FBXL14: variants seen among roughly 807,000 people sequenced by gnomAD.
FBXL14 encodes the protein F-box/LRR-repeat protein 14.
FBXL14 carries 11 observed loss-of-function variants against 24.5 expected under a neutral mutation model. That is an observed-to-expected ratio of 0.45 (90% CI 0.28 to 0.74). FBXL14 has a LOEUF of 0.74. Among genes scored for constraint, FBXL14 ranks in the 30% least tolerant of loss-of-function variants. FBXL14 has a pLI of 0.12. For synonymous variants in FBXL14, 294 were observed against 240.4 expected (o/e 1.22, Z -2.06); for missense variants, 384 against 545.6 (o/e 0.70, Z 2.95).
intron 1 of FBXL14, among the ~76,000 whole-genome samples, chr12:1,589,511 A>T (rs1367341574): frequency 6.6e-6 from 1 of 150,768 alleles, no homozygotes; most frequent in Non-Finnish European, 1.5e-5. Context: ...GGAAATGGAG[A>T]AATGGAGCCT....
rs2094497616 is a variant in FBXL14 at position 1,594,491 on chromosome 12, CGG to C, written c.-427_-426del. ...CTGCCGCCGCCGCTGCTCCGCGGGC[CGG>C]CGGGCGGCGAGGGGGCCCCGGGGGC... On this transcript the variant is annotated 5_prime_UTR_variant, in exon 1 of 2. Transcript: ENST00000339235. Among the ~76,000 whole-genome samples the C allele has an allele frequency of 6.8e-6, 1 of 146,742 alleles. No individual in the cohort carries two copies. The highest frequency in any genetic ancestry group is 1.5e-5 in the Non-Finnish European group (1 of 66,008).
Position 1,569,464 on chromosome 12 carries a change from A to G in FBXL14, c.1195-2654T>C, listed in dbSNP as rs1394364589. ...CACCCAGGCTAGAGTGCAGTGCCGC[A>G]ATCTCGGCTCACTGCAAGCTCCGCT... On this transcript the variant is annotated intron_variant, in intron 1 of 1. Coordinates refer to ENST00000339235, the MANE Select transcript of FBXL14 (RefSeq NM_152441.3). The surrounding 1 kb of genome is among the most constrained non-coding windows in gnomAD (Gnocchi z 4.2). Among the ~76,000 whole-genome samples the G allele has an allele frequency of 6.7e-6, 1 of 149,446 alleles. No homozygotes were observed. Among genetic ancestry groups the G allele is most frequent in the African/African-American group, 2.5e-5 (1 of 40,358 alleles).
At position 1,566,738 on chromosome 12, in the gene FBXL14, C is replaced by T. The variant is rs1215971491; in HGVS notation, c.*10G>A. ...AGATCCACGGGAACCATGTCGTTGTCCCCTCTCCCTCACCTTCTGGAGCTT... is the reference window on the plus strand; with the variant it reads ...AGATCCACGGGAACCATGTCGTTGTTCCCTCTCCCTCACCTTCTGGAGCTT... On this transcript the variant is annotated 3_prime_UTR_variant, in exon 2 of 2. Transcript: ENST00000339235. 1.3e-6 allele frequency: 1 copy of T among 780,788 alleles called. No individual in the cohort carries two copies. Among genetic ancestry groups the T allele is most frequent in the Non-Finnish European group, 2.4e-6 (1 of 418,080 alleles). The allele number at this position is 780,788 out of a possible 1,614,324, so 48.4% of individuals were successfully genotyped here. A position where few individuals can be genotyped will look rare whatever the true frequency, so the allele number is the denominator to read the frequency against.
At chr12:1,580,100 G>C (rs138316101) in intron 1 of FBXL14, among the ~76,000 whole-genome samples, 2 of 152,314 alleles carry the variant, frequency 1.3e-5, no homozygotes, top group East Asian at 1.9e-4. Context: ...GGAGTAACGT[G>C]GACATTTGCT....
At chr12:1,590,035 A>G (rs2094485935) in intron 1 of FBXL14, among the ~76,000 whole-genome samples, 1 of 152,232 alleles carries the variant, frequency 6.6e-6, no homozygotes, top group Non-Finnish European at 1.5e-5. Flanking sequence ...TCTTGGAAGA[A>G]AAACAGACTA....
rs912265187 is a variant in FBXL14, at chr12:1,586,497, C to G, written c.1194+6376G>C. ...GCTGGGACTACAGATGTGTGCCGTG[C>G]CTGGCTTGGTGCCACACATCTCTGA... is the stretch of plus-strand genomic sequence containing the variant. On this transcript the variant is annotated intron_variant, in intron 1 of 1. Transcript: ENST00000339235. 2.6e-5 allele frequency among the ~76,000 whole-genome samples: 4 copies of G among 152,138 alleles called. No individual in the cohort carries two copies. In the East Asian group the frequency reaches 7.7e-4, roughly 29 times the overall value.
At chr12:1,575,355 T>C (rs1393637167) in intron 1 of FBXL14, among the ~76,000 whole-genome samples, 3 of 152,246 alleles carry the variant, frequency 2.0e-5, no homozygotes, top group Non-Finnish European at 2.9e-5. Flanking sequence ...ATTTCTCTAA[T>C]CTTATCTATC....
At chr12:1,591,254 G>GCGT (rs2094488914) in intron 1 of FBXL14, among the ~76,000 whole-genome samples, 1 of 151,612 alleles carries the variant, frequency 6.6e-6, no homozygotes, top group Non-Finnish European at 1.5e-5. Context: ...ACTCCACCTT[G>GCGT]CGTCCTCTTA....
Position 1,594,180 on chromosome 12 carries a change from C to CGCCGCT in FBXL14, c.-115_-114insAGCGGC. 1.1e-6 allele frequency: 1 copy of CGCCGCT among 878,770 alleles called. No homozygotes were observed. The highest frequency in any genetic ancestry group is 1.5e-6 in the Non-Finnish European group (1 of 686,656). 54.4% of individuals were successfully genotyped at this position (878,770 alleles called of 1,614,324 possible). A position where few individuals can be genotyped will look rare whatever the true frequency, so the allele number is the denominator to read the frequency against. ...CAGCCGCCGCCGCCGCCGCCGCCGCCGCCTCGGGCCCAACGGCCGGCCCCT... is the reference window on the plus strand; with the variant it reads ...CAGCCGCCGCCGCCGCCGCCGCCGCCGCCGCTGCCTCGGGCCCAACGGCCGGCCCCT... On this transcript the variant is annotated 5_prime_UTR_variant, in exon 1 of 2. Transcript: ENST00000339235.
At position 1,569,192 on chromosome 12, in the gene FBXL14, T is replaced by C. The variant is rs559570992; in HGVS notation, c.1195-2382A>G. ...GTTTTGCTTCTCTTTTTTCTCCTTTTCATTTTCCTTTCCAGGTTGAGGAAA... is the reference window on the plus strand; with the variant it reads ...GTTTTGCTTCTCTTTTTTCTCCTTTCCATTTTCCTTTCCAGGTTGAGGAAA... On this transcript the variant is annotated intron_variant, in intron 1 of 1. Transcript: ENST00000339235. This position sits in a 1 kb window ranked among gnomAD's most constrained non-coding sequence, Gnocchi z 4.2. 2.0e-5 allele frequency among the ~76,000 whole-genome samples: 3 copies of C among 152,310 alleles called. No individual in the cohort carries two copies. Among genetic ancestry groups the C allele is most frequent in the African/African-American group, 4.8e-5 (2 of 41,580 alleles).
upstream of FBXL14, among the ~76,000 whole-genome samples, chr12:1,594,834 T>A (rs1342920104): frequency 6.6e-6 from 1 of 151,212 alleles, no homozygotes; most frequent in Admixed American, 6.6e-5. Context: ...GCGCGTCCCC[T>A]CCGCCGCTCC....
At chr12:1,594,738 G>C (rs905131237), upstream of FBXL14, among the ~76,000 whole-genome samples, 2 of 149,930 alleles carry the variant, frequency 1.3e-5, no homozygotes, top group African/African-American at 4.9e-5. Context: ...CGTCCGGCCG[G>C]AGCGCGGCTC....
At chr12:1,592,150 A>T (rs1054710409) in intron 1 of FBXL14, among the ~76,000 whole-genome samples, 12 of 149,470 alleles carry the variant, frequency 8.0e-5, no homozygotes, top group African/African-American at 2.9e-4. Flanking sequence ...AGGGCTTCAG[A>T]AAAAAAGTAA....
intron 1 of FBXL14, among the ~76,000 whole-genome samples, chr12:1,583,925 TTTG>T (rs2094471689): frequency 1.3e-5 from 2 of 152,162 alleles, no homozygotes; most frequent in South Asian, 2.1e-4. Flanking sequence ...AAGAGGGTTT[TTTG>T]TTGTTTTTTT....
intron 1 of FBXL14, among the ~76,000 whole-genome samples, chr12:1,590,339 C>CATAA (rs749091242): frequency 3.9e-5 from 6 of 152,146 alleles, no homozygotes; most frequent in Non-Finnish European, 7.4e-5. Flanking sequence ...ACAATCTTAT[C>CATAA]CCAAGAGAAA....
chr12:1,579,123 A>T lies in FBXL14; in HGVS notation c.1195-12313T>A, dbSNP rs756225638. Among the ~76,000 whole-genome samples the T allele has an allele frequency of 6.6e-6, 1 of 152,120 alleles. No homozygotes were observed. Among genetic ancestry groups the T allele is most frequent in the Non-Finnish European group, 1.5e-5 (1 of 68,018 alleles). Reference sequence around the variant, plus strand: ...CTCCTCCTGTAACACTCCCCAAAAGAAGTATGAAAGCCGACATAAAATACG... The same window carrying T: ...CTCCTCCTGTAACACTCCCCAAAAGTAGTATGAAAGCCGACATAAAATACG... On this transcript the variant is annotated intron_variant, in intron 1 of 1. Transcript: ENST00000339235. This position sits in a 1 kb window ranked among gnomAD's most constrained non-coding sequence, Gnocchi z 4.3.
intron 1 of FBXL14, among the ~76,000 whole-genome samples, chr12:1,575,728 C>T (rs1237377657): frequency 1.3e-5 from 2 of 152,020 alleles, no homozygotes; most frequent in African/African-American, 4.8e-5. Flanking sequence ...AGGAAGGCAC[C>T]TGGTGGTTTC....
intron 1 of FBXL14, among the ~76,000 whole-genome samples, chr12:1,586,181 G>T (rs989955212): frequency 6.9e-6 from 1 of 144,868 alleles, no homozygotes; most frequent in Non-Finnish European, 1.5e-5. Flanking sequence ...TAGCATTTGG[G>T]GTTTTTTTTT....
At chr12:1,580,246 C>T (rs753254377) in intron 1 of FBXL14, among the ~76,000 whole-genome samples, 1 of 152,154 alleles carries the variant, frequency 6.6e-6, no homozygotes, top group Non-Finnish European at 1.5e-5. Context: ...GGACACAGAG[C>T]GAACGCTGCC....
Sources: gnomAD v4.1 joint callset for allele counts (sites outside exome capture counted in the v4.1 genomes callset) on GRCh38, gnomAD v4.1.1 for gene constraint, Gnocchi (gnomAD v3.1) non-coding constraint, MANE v1.5 for transcripts, NCBI Gene and HGNC (gene_info 2026-07-23, HGNC 2026-07-21) for gene names.